The following PEG3 variants were observed in gnomAD, a reference collection of about 807,000 sequenced individuals.
PEG3 encodes the protein paternally expressed 3, also known as paternally-expressed gene 3 protein.
Under a neutral mutation model 35.5 loss-of-function variants are expected in PEG3, and 23 were observed. That is an observed-to-expected ratio of 0.65 (90% CI 0.47 to 0.92). PEG3 has a LOEUF of 0.92. Ranked by LOEUF, PEG3 falls within the 40% of genes least tolerant of loss-of-function variation. PEG3 has a pLI of 0.00. For synonymous variants in PEG3, 707 were observed against 697.0 expected (o/e 1.01, Z -0.23); for missense variants, 1,960 against 1,985.3 (o/e 0.99, Z 0.24).
At chr19:56,826,867 TAC>T (rs536381678) in intron 2 of PEG3, among the ~76,000 whole-genome samples, 6 of 152,338 alleles carry the variant, frequency 3.9e-5, no homozygotes, top group Middle Eastern at 3.4e-3. Context: ...GTAAGATCTA[TAC>T]ACATATATAT....
chr19:56,815,210 T>C lies in PEG3; in HGVS notation c.3232A>G (p.Thr1078Ala). Residue 1078 changes from threonine to alanine, a missense_variant, in exon 10 of 10, where the codon ACC becomes GCC. Transcript: ENST00000326441. ...TDGEETHSEE[T>A]HGQETIEDPV... ...TCTTCAATTGTCTCCTGACCATGGGTCTCCTCGCTGTGGGTCTCCTCCCCA... is the reference window on the plus strand; with the variant it reads ...TCTTCAATTGTCTCCTGACCATGGGCCTCCTCGCTGTGGGTCTCCTCCCCA... 1 of 1,613,642 alleles carries C rather than the reference T, an allele frequency of 6.2e-7. No homozygotes were observed. The highest frequency in any genetic ancestry group is 8.5e-7 in the Non-Finnish European group (1 of 1,179,690).
In PEG3 at chr19:56,814,780, G is replaced by C; in HGVS notation, c.3662C>G (p.Ala1221Gly). The C allele has an allele frequency of 6.2e-7, 1 of 1,614,134 alleles. No individual in the cohort carries two copies. Among genetic ancestry groups the C allele is most frequent in the Non-Finnish European group, 8.5e-7 (1 of 1,180,040 alleles). ...NRAAERNPAL[A>G]GSAIRCLLCG... ...CAAAAGGCATCGAATGGCCGACCCA[G>C]CAAGAGCAGGATTCCTCTCTGCAGC... The change falls in exon 10 of 10, where the codon GCT becomes GGT. Residue 1221 changes from alanine to glycine, a missense_variant. Physicochemically the swap from Ala to Gly is moderately conservative, Grantham distance 60. Coordinates refer to ENST00000326441, the MANE Select transcript of PEG3 (RefSeq NM_006210.3). The surrounding 1 kb of genome is among the most constrained non-coding windows in gnomAD (Gnocchi z 5.8).
At chr19:56,833,408 C>T (rs144352926) in intron 2 of PEG3, 77 of 340,620 alleles carry the variant, frequency 2.3e-4, no homozygotes, top group African/African-American at 1.6e-3. Flanking sequence ...TTGCTCCATT[C>T]TCCTGCCTCT....
At chr19:56,823,311 A>C (rs1175845309) in intron 5 of PEG3, among the ~76,000 whole-genome samples, 1 of 152,252 alleles carries the variant, frequency 6.6e-6, no homozygotes, top group Admixed American at 6.5e-5. Flanking sequence ...CTTCCTGAGG[A>C]GGCTGGGGGT....
In PEG3 at chr19:56,830,716, T is replaced by C. The variant is rs578061279; in HGVS notation, c.-162-4253A>G. On this transcript the variant is annotated intron_variant, in intron 2 of 9. Transcript: ENST00000326441. The stretch of plus-strand genomic sequence containing the variant: ...AGCAAAACAAATAAATAAATCTCCA[T>C]AAATAAATTTAACAAAGTTACCTGC... Among the ~76,000 whole-genome samples, 16 of 152,252 alleles carry C rather than the reference T, an allele frequency of 1.1e-4. No individual in the cohort carries two copies. The South Asian group carries it at 1.2e-3, about 12-fold the overall frequency.
chr19:56,821,614 G>A (rs774080654), intron 7 of PEG3, 37 bp downstream of exon 7: 6 of 1,608,296 alleles, frequency 3.7e-6, no homozygotes, highest in African/African-American at 1.3e-5. Context: ...ATGAAATGAA[G>A]ATGGCCTTTC....
At position 56,811,251 on chromosome 19, in the gene PEG3, C is replaced by A. The variant is rs571048482; in HGVS notation, c.*2424G>T. ...AAAATAATGCTCAACTATAAGCCTA[C>A]AACAACAACACCACAACAGCTTTTG... On this transcript the variant is annotated 3_prime_UTR_variant, in exon 10 of 10. Coordinates refer to ENST00000326441, the MANE Select transcript of PEG3 (RefSeq NM_006210.3). 1.1e-6 allele frequency: 1 copy of A among 948,020 alleles called. No individual in the cohort carries two copies. Among genetic ancestry groups the A allele is most frequent in the African/African-American group, 1.8e-5 (1 of 55,082 alleles). The allele number at this position is 948,020 out of a possible 1,614,324, so 58.7% of individuals were successfully genotyped here.
Position 56,814,000 on chromosome 19 carries a change from T to C in PEG3, c.4442A>G (p.Glu1481Gly), listed in dbSNP as rs375400963. 3.7e-6 allele frequency: 6 copies of C among 1,614,050 alleles called. No homozygotes were observed. In the African/African-American group the frequency reaches 8.0e-5, roughly 22 times the overall value. The part of the protein sequence containing the change: ...KAEEPEGDAD[E>G]PDGVGIEDPE... ...GTCTTCAATTCCCACACCGTCAGGC[T>C]CGTCGGCATCTCCCTCTGGCTCTTC... The change falls in exon 10 of 10, where the codon GAG (glutamate) becomes GGG (glycine). Residue 1481 changes from glutamate (E) to glycine (G), a missense_variant. This residue lies in a region of PEG3 where 416 missense variants were observed against 416.7 expected (regional missense o/e 1.00). Coordinates refer to ENST00000326441, the MANE Select transcript of PEG3 (RefSeq NM_006210.3).
Position 56,821,688 on chromosome 19 carries a change from T to G in PEG3, c.632A>C (p.Asp211Ala). ...CTCATAAGCCCTGGAGTCCCTGTCGTCCTCTCTGTCCATTTCAAAGCTTGT... is the reference window on the plus strand; with the variant it reads ...CTCATAAGCCCTGGAGTCCCTGTCGGCCTCTCTGTCCATTTCAAAGCTTGT... Reference protein sequence around the residue: ...AKTSFEMDREDDRDSRAYESR... With the variant: ...AKTSFEMDREADRDSRAYESR... Residue 211 changes from aspartate to alanine, a missense_variant, in exon 7 of 10, where the codon GAC (aspartate) becomes GCC (alanine). By Grantham distance (126) the Asp-to-Ala change is moderately radical. This residue lies in a region of PEG3 where 613 missense variants were observed against 577.1 expected (regional missense o/e 1.06). Transcript: ENST00000326441. 1 of 1,613,856 alleles carries G rather than the reference T, an allele frequency of 6.2e-7. No individual in the cohort carries two copies. The highest frequency in any genetic ancestry group is 1.1e-5 in the South Asian group (1 of 91,056).
At chr19:56,826,801 A>G (rs762276438) in intron 2 of PEG3, among the ~76,000 whole-genome samples, 32 of 152,338 alleles carry the variant, frequency 2.1e-4, no homozygotes, top group Non-Finnish European at 2.9e-4. Context: ...CTCAATTACA[A>G]TAAGACAAGA....
chr19:56,812,160 C>T lies in PEG3; in HGVS notation c.*1515G>A. 1 of 974,024 alleles carries T rather than the reference C, an allele frequency of 1.0e-6. No individual in the cohort carries two copies. The highest frequency in any genetic ancestry group is 1.2e-6 in the Non-Finnish European group (1 of 820,166). 60.3% of individuals were successfully genotyped at this position (974,024 alleles called of 1,614,324 possible). ...TTTTATATTTTTTTTCCAGCCAACT[C>T]AAGGCCAAAAAAAATTTCTTAATAT... On this transcript the variant is annotated 3_prime_UTR_variant, in exon 10 of 10. Coordinates refer to ENST00000326441, the MANE Select transcript of PEG3 (RefSeq NM_006210.3).
At chr19:56,819,327 C>A (rs1430648211) in intron 7 of PEG3, among the ~76,000 whole-genome samples, 1 of 152,218 alleles carries the variant, frequency 6.6e-6, no homozygotes, top group African/African-American at 2.4e-5. Flanking sequence ...CCAGGAATAA[C>A]TGTAAGCCCT....
chr19:56,815,126 T>C lies in PEG3; in HGVS notation c.3316A>G (p.Ile1106Val), dbSNP rs1433952446. ...AGGCCACAGTCCTCACATTCATAGA[T>C]TTTGTCATCAGGGTCATCCTTCTGA... ...DPQKDDPDDK[I>V]YECEDCGLGF... Residue 1106 changes from isoleucine (I) to valine (V), a missense_variant, in exon 10 of 10, where the codon ATC becomes GTC. By Grantham distance (29) the Ile-to-Val change is conservative (BLOSUM62 3). Transcript: ENST00000326441. 6.2e-7 allele frequency: 1 copy of C among 1,613,802 alleles called. No individual in the cohort carries two copies. Among genetic ancestry groups the C allele is most frequent in the Admixed American group, 1.7e-5 (1 of 60,014 alleles).
At position 56,814,174 on chromosome 19, in the gene PEG3, T is replaced by G; in HGVS notation, c.4268A>C (p.Glu1423Ala). ...CTCTGCAGCCTCTCCATCTGGCCCT[T>G]CAGCCTCTCCGTTTGGCTCAGCAGC... ...VEAAEPNGEA[E>A]GPDGEAAEPI... The change falls in exon 10 of 10, where the codon GAA (glutamate) becomes GCA (alanine). Residue 1423 changes from glutamate to alanine, a missense_variant. By Grantham distance (107) the Glu-to-Ala change is moderately radical. This residue lies in a region of PEG3 where 416 missense variants were observed against 416.7 expected (regional missense o/e 1.00). Coordinates refer to ENST00000326441, the MANE Select transcript of PEG3 (RefSeq NM_006210.3). This position sits in a 1 kb window ranked among gnomAD's most constrained non-coding sequence, Gnocchi z 5.8. 6.2e-7 allele frequency: 1 copy of G among 1,613,506 alleles called. No homozygotes were observed. Among genetic ancestry groups the G allele is most frequent in the Non-Finnish European group, 8.5e-7 (1 of 1,179,888 alleles).
chr19:56,815,489 TGAGGTC>T lies in PEG3; in HGVS notation c.2947_2952del (p.Asp983_Leu984del), dbSNP rs769927691. Reference sequence around the variant, plus strand: ...CTATCATGAATCTTCTGGTGCTCAGTGAGGTCAGAGCTATGAGCAAAGCACTCCCCA... The same window carrying T: ...CTATCATGAATCTTCTGGTGCTCAGTAGAGCTATGAGCAAAGCACTCCCCA... On this transcript the variant is annotated inframe_deletion, in exon 10 of 10. Coordinates refer to ENST00000326441, the MANE Select transcript of PEG3 (RefSeq NM_006210.3). 3.7e-6 allele frequency: 6 copies of T among 1,614,024 alleles called. No homozygotes were observed. The highest frequency in any genetic ancestry group is 5.1e-6 in the Non-Finnish European group (6 of 1,179,944).
Position 56,817,548 on chromosome 19 carries a change from T to G in PEG3, c.894A>C (p.Ser298=), listed in dbSNP as rs762779366. 4.7e-5 allele frequency: 75 copies of G among 1,596,694 alleles called. No individual in the cohort carries two copies. In the Middle Eastern group the frequency reaches 5.0e-4, roughly 11 times the overall value. The stretch of plus-strand genomic sequence containing the variant: ...CTTCACAAATCCCCCGCCGGTGGGT[T>G]GATTTTTTGGCTTCAGGCATAGTTT... ...GLKTMPEAKK[S]THRRGICEDE... The change falls in exon 10 of 10, where the codon TCA becomes TCC. Residue 298 remains serine, a synonymous_variant. Coordinates refer to ENST00000326441, the MANE Select transcript of PEG3 (RefSeq NM_006210.3).
intron 1 of PEG3, among the ~76,000 whole-genome samples, chr19:56,837,260 C>T (rs1481734954): frequency 6.6e-6 from 1 of 151,894 alleles, no homozygotes; most frequent in Non-Finnish European, 1.5e-5. Flanking sequence ...CCTTTAAACA[C>T]ACCCCCACCT....
At position 56,816,091 on chromosome 19, in the gene PEG3, G is replaced by A. The variant is rs2059952609; in HGVS notation, c.2351C>T (p.Ser784Phe). The A allele has an allele frequency of 3.1e-6, 5 of 1,605,612 alleles. No homozygotes were observed. The East Asian group carries it at 1.1e-4, about 36-fold the overall frequency. The change falls in exon 10 of 10, where the codon TCT (serine) becomes TTT (phenylalanine). Residue 784 changes from serine to phenylalanine, a missense_variant. Around this residue, in one of 5 missense-constraint regions of PEG3, gnomAD observed 798 missense variants for 782.4 expected, o/e 1.02. Coordinates refer to ENST00000326441, the MANE Select transcript of PEG3 (RefSeq NM_006210.3). The part of the protein sequence containing the change: ...YERSVIHSLA[S>F]VEAQKSHSVA... ...ACTGTGACTTTTCTGAGCTTCCACA[G>A]AGGCTAAGCTATGAATAACAGACCT...
Position 56,816,390 on chromosome 19 carries a change from G to A in PEG3, c.2052C>T (p.Leu684=). The change falls in exon 10 of 10, where the codon CTC becomes CTT. Residue 684 remains leucine, a synonymous_variant. Transcript: ENST00000326441. ...CATCCCGGCCATCTGTAAAGTCACA[G>A]AGCTTCTCCTTATTGTAAGTTTTCT... ...RRQKTYNKEK[L]CDFTDGRDAF... 6.2e-7 allele frequency: 1 copy of A among 1,614,018 alleles called. No homozygotes were observed.
Sources: gnomAD v4.1 joint callset for allele counts (sites outside exome capture counted in the v4.1 genomes callset) on GRCh38, gnomAD v4.1.1 for gene constraint, gnomAD v4.1.1 regional missense constraint, Gnocchi (gnomAD v3.1) non-coding constraint, MANE v1.5 for transcripts, NCBI Gene and HGNC (gene_info 2026-07-23, HGNC 2026-07-21) for gene names.